Variants in TAB3 observed in about 807,000 individuals in gnomAD.
The protein encoded by TAB3 is TGF-beta-activated kinase 1 and MAP3K7-binding protein 3.
In TAB3, 18 loss-of-function variants were observed where a neutral mutation model predicts 48.1. That is an observed-to-expected ratio of 0.37 (90% CI 0.26 to 0.55). The LOEUF (loss-of-function observed/expected upper bound fraction) is 0.55. Ranked by LOEUF, TAB3 falls within the 20% of genes least tolerant of loss-of-function variation. The pLI, the probability that TAB3 is intolerant of heterozygous loss-of-function variation, is 0.78. For missense variants in TAB3, 414 were observed against 549.8 expected, an observed-to-expected ratio of 0.75 and a Z score of 2.47; for synonymous variants, 185 against 190.2, an observed-to-expected ratio of 0.97 and a Z score of 0.22.
rs1186906607 is a variant in TAB3, at chrX:30,830,911, T to TCCCC, written c.*515_*516insGGGG. The TCCCC allele has an allele frequency of 1.1e-4, 3 of 28,122 alleles. No individual in the cohort carries two copies. The highest frequency in any genetic ancestry group is 1.6e-4 in the Non-Finnish European group (2 of 12,659). The allele number at this position is 28,122 out of a possible 1,213,427, so 2.3% of individuals were successfully genotyped here. A position where few individuals can be genotyped will look rare whatever the true frequency, so the allele number is the denominator to read the frequency against. ...CAATTACAAATACCCTTAATTAATTTGCCCCCCCCCCCCAAATATTCTAGG... is the reference window on the plus strand; with the variant it reads ...CAATTACAAATACCCTTAATTAATTTCCCCGCCCCCCCCCCCCAAATATTCTAGG... On this transcript the variant is annotated 3_prime_UTR_variant, in exon 11 of 11. Transcript: ENST00000288422.
intron 1 of TAB3, among the ~76,000 whole-genome samples, chrX:30,876,796 C>A (rs1049247524): frequency 9.0e-6 from 1 of 111,183 alleles, no homozygotes; most frequent in African/African-American, 3.3e-5. Flanking sequence ...ACTAAGAATT[C>A]AATAAACAGG....
chrX:30,870,502 TATA>T (rs1437955793), intron 2 of TAB3, among the ~76,000 whole-genome samples: 1 of 112,281 alleles, frequency 8.9e-6, no homozygotes, highest in Admixed American at 9.4e-5. Flanking sequence ...GGTTGAGTTC[TATA>T]ATAAGTAGTC....
rs1938997654 is a variant in TAB3, at chrX:30,854,683, T to C, written c.982A>G (p.Thr328Ala). Residue 328 changes from threonine (T) to alanine (A), a missense_variant, in exon 6 of 11, where the codon ACT becomes GCT. Transcript: ENST00000288422. ...HIFMPPSPST[T>A]PPHPYQQGPP... is the part of the protein sequence containing the mutation. ...CCTTGTTGATATGGATGGGGTGGAG[T>C]AGTTGAAGGACTAGGTGGCATAAAG... 8.3e-7 allele frequency: 1 copy of C among 1,210,417 alleles called. No homozygotes were observed. The highest frequency in any genetic ancestry group is 3.0e-5 in the East Asian group (1 of 33,802).
At chrX:30,880,407 C>T (rs1442919345) in intron 1 of TAB3, among the ~76,000 whole-genome samples, 1 of 111,590 alleles carries the variant, frequency 9.0e-6, no homozygotes, top group African/African-American at 3.3e-5. Flanking sequence ...CTGACAATAG[C>T]AGGGAAATGG....
At chrX:30,870,188 A>C (rs746837141) in intron 2 of TAB3, among the ~76,000 whole-genome samples, 17 of 112,288 alleles carry the variant, frequency 1.5e-4, no homozygotes, top group Non-Finnish European at 2.8e-4. Context: ...GATTTCTCTC[A>C]AGTGCAGCCT....
In TAB3 at chrX:30,865,766, A is replaced by T. The variant is rs1227496006; in HGVS notation, c.-91+1349T>A. On this transcript the variant is annotated intron_variant, in intron 4 of 10. Transcript: ENST00000288422. ...CTGGTAAGACTCTGATGATGTCATA[A>T]CTCTTAACAACAGTTTAAAGCAAAC... Among the ~76,000 whole-genome samples, 3 of 112,210 alleles carry T rather than the reference A, an allele frequency of 2.7e-5. 1 individual carries two copies. Among genetic ancestry groups the T allele is most frequent in the Non-Finnish European group, 5.6e-5 (3 of 53,251 alleles).
chrX:30,875,402 G>T (rs182870305), intron 1 of TAB3, among the ~76,000 whole-genome samples: 4 of 111,376 alleles, frequency 3.6e-5, no homozygotes, highest in African/African-American at 1.3e-4. Flanking sequence ...AGTTTGTAAA[G>T]CACAATGTTC....
chrX:30,859,050 T>A (rs1413338157), intron 5 of TAB3, among the ~76,000 whole-genome samples: 3 of 111,603 alleles, frequency 2.7e-5, no homozygotes, highest in Non-Finnish European at 3.8e-5. Context: ...TAGGGACTGA[T>A]AGTACAACCC....
intron 4 of TAB3, among the ~76,000 whole-genome samples, chrX:30,865,206 C>G (rs1016330138): frequency 8.9e-6 from 1 of 111,999 alleles, no homozygotes; most frequent in African/African-American, 3.2e-5. Flanking sequence ...CATTCTGGCC[C>G]CGCCCATAAA....
chrX:30,846,580 A>G lies in TAB3; in HGVS notation c.1775T>C (p.Leu592Pro). ...RQLQINVDCTLKEVDLLQSRG... is the reference protein window; with the variant it reads ...RQLQINVDCTPKEVDLLQSRG... Reference sequence around the variant, plus strand: ...AGATTGAAGGAGGTCAACTTCTTTCAGTGTACAGTCAACATTTATCTGGAG... The same window carrying G: ...AGATTGAAGGAGGTCAACTTCTTTCGGTGTACAGTCAACATTTATCTGGAG... Residue 592 changes from leucine to proline, a missense_variant, in exon 8 of 11, where the codon CTG (leucine) becomes CCG (proline). By Grantham distance (98) the Leu-to-Pro change is moderately conservative. Coordinates refer to ENST00000288422, the MANE Select transcript of TAB3 (RefSeq NM_152787.5). 1 of 1,203,115 alleles carries G rather than the reference A, an allele frequency of 8.3e-7. No individual in the cohort carries two copies. The highest frequency in any genetic ancestry group is 1.1e-6 in the Non-Finnish European group (1 of 889,607).
At chrX:30,873,320 G>A (rs1483137357) in intron 1 of TAB3, among the ~76,000 whole-genome samples, 8 of 108,881 alleles carry the variant, frequency 7.3e-5, no homozygotes, top group Non-Finnish European at 1.5e-4. Context: ...GGCGGATCAC[G>A]AGGTCAGGAG....
chrX:30,857,902 G>A (rs138358033), intron 5 of TAB3, among the ~76,000 whole-genome samples: 5,697 of 111,154 alleles, frequency 0.051, 275 homozygotes, highest in African/African-American at 0.15. Flanking sequence ...ACTTTTGAAA[G>A]GAATGAGGCA....
At chrX:30,832,867 T>C (rs1208018762) in intron 10 of TAB3, among the ~76,000 whole-genome samples, 1 of 112,143 alleles carries the variant, frequency 8.9e-6, no homozygotes, top group Non-Finnish European at 1.9e-5. Context: ...TTTTGGCTCA[T>C]GACTCCAAAA....
rs200391183 is a variant in TAB3 at position 30,854,498 on chromosome X, A to G, written c.1167T>C (p.Asn389=). ...AGTGTTGATTCCGTGGAGATGGTTG[A>G]TTACTGATGGGTGAAGGACTCCTAT... The part of the protein sequence containing the change: ...AINRSPSPIS[N]QPSPRNQHSL... The change falls in exon 6 of 11, where the codon AAT becomes AAC. Residue 389 remains asparagine, a synonymous_variant. Coordinates refer to ENST00000288422, the MANE Select transcript of TAB3 (RefSeq NM_152787.5). 1.1e-5 allele frequency: 13 copies of G among 1,209,327 alleles called. No homozygotes were observed. Among genetic ancestry groups the G allele is most frequent in the Non-Finnish European group, 1.5e-5 (13 of 894,941 alleles).
At chrX:30,839,835 G>C (rs915850700) in intron 9 of TAB3, among the ~76,000 whole-genome samples, 5 of 106,692 alleles carry the variant, frequency 4.7e-5, no homozygotes, top group African/African-American at 1.7e-4. Context: ...TTACCCACCA[G>C]TGAATCTATC....
chrX:30,866,775 C>T (rs1432807830), intron 4 of TAB3, among the ~76,000 whole-genome samples: 1 of 106,957 alleles, frequency 9.3e-6, no homozygotes, highest in East Asian at 2.9e-4. Context: ...ATAGATAATT[C>T]ACCTCAAGGA....
chrX:30,832,012 G>C (rs909995667), intron 10 of TAB3, among the ~76,000 whole-genome samples: 2 of 111,851 alleles, frequency 1.8e-5, no homozygotes, highest in African/African-American at 3.3e-5. Context: ...GACTAAATGT[G>C]TGCCTTCTTC....
In TAB3 at chrX:30,830,798, C is replaced by A. The variant is rs1184570435; in HGVS notation, c.*629G>T. 4 of 110,823 alleles carry A rather than the reference C, an allele frequency of 3.6e-5. No individual in the cohort carries two copies. The highest frequency in any genetic ancestry group is 1.3e-4 in the African/African-American group (4 of 30,423). The allele number at this position is 110,823 out of a possible 1,213,427, so 9.1% of individuals were successfully genotyped here. A position where few individuals can be genotyped will look rare whatever the true frequency, so the allele number is the denominator to read the frequency against. ...TACTTTTAAACAAAGGCATGATATG[C>A]CTAGTTCCTGACTGCTACAAATCAC... is the stretch of plus-strand genomic sequence containing the variant. On this transcript the variant is annotated 3_prime_UTR_variant, in exon 11 of 11. Coordinates refer to ENST00000288422, the MANE Select transcript of TAB3 (RefSeq NM_152787.5).
chrX:30,834,295 C>G, intron 9 of TAB3, 143 bp from the exon 10 acceptor site: 2 of 486,807 alleles, frequency 4.1e-6, no homozygotes, highest in East Asian at 7.4e-5. Flanking sequence ...TTAGCAAGGG[C>G]AGGCACCATA....
Sources: gnomAD v4.1 joint callset for allele counts (sites outside exome capture counted in the v4.1 genomes callset) on GRCh38, gnomAD v4.1.1 for gene constraint, MANE v1.5 for transcripts, NCBI Gene and HGNC (gene_info 2026-07-23, HGNC 2026-07-21) for gene names.